The following PFKFB1 variants were observed in gnomAD, a reference collection of about 807,000 sequenced individuals.
The protein encoded by PFKFB1 is 6-phosphofructo-2-kinase/fructose-2,6-bisphosphatase 1.
In PFKFB1, 34 loss-of-function variants were observed where a neutral mutation model predicts 46.4. The observed-to-expected ratio is 0.73, with a 90% CI of 0.56 to 0.98. PFKFB1 has a LOEUF of 0.98. Among genes scored for constraint, PFKFB1 ranks in the 50% least tolerant of loss-of-function variants. The probability of loss-of-function intolerance (pLI) is 0.00; values close to 1 mark genes in which losing one functional copy is unlikely to be tolerated. For synonymous variants in PFKFB1, 119 were observed against 133.8 expected (o/e 0.89, Z 0.76); for missense variants, 393 against 376.3 (o/e 1.04, Z -0.37).
chrX:54,973,590 G>A (rs753136354), intron 1 of PFKFB1, among the ~76,000 whole-genome samples: 175 of 111,189 alleles, frequency 1.6e-3, no homozygotes, highest in Non-Finnish European at 2.2e-3. Flanking sequence ...CCTTCATTTC[G>A]TTATGTACCC....
At chrX:54,949,737 C>T (rs140258657) in intron 8 of PFKFB1, among the ~76,000 whole-genome samples, 1,323 of 112,427 alleles carry the variant, frequency 0.012, 19 homozygotes, top group African/African-American at 0.042. Context: ...ATGGCCTGAC[C>T]TCAAGTGGAC....
chrX:54,935,161 C>A lies in PFKFB1; in HGVS notation c.1229-152G>T. On this transcript the variant is annotated intron_variant, in intron 11 of 13. Coordinates refer to ENST00000375006, the MANE Select transcript of PFKFB1 (RefSeq NM_002625.4). ...GCCCACTCCCCACACCCTGCAGGGG[C>A]AGCACTGAGAGCACCTGGGAAGAGA... 7 of 489,676 alleles carry A rather than the reference C, an allele frequency of 1.4e-5. No individual in the cohort carries two copies. The Admixed American group carries it at 2.1e-4, about 15-fold the overall frequency. 40.4% of individuals were successfully genotyped at this position (489,676 alleles called of 1,213,427 possible).
rs1934376074 is a variant in PFKFB1, at chrX:54,963,313, G to A, written c.167C>T (p.Thr56Ile). 8.3e-7 allele frequency: 1 copy of A among 1,206,813 alleles called. No individual in the cohort carries two copies. The highest frequency in any genetic ancestry group is 1.1e-6 in the Non-Finnish European group (1 of 891,216). ...IMVGLPARGKTYISTKLTRYL... is the reference protein window; with the variant it reads ...IMVGLPARGKIYISTKLTRYL... ...TCGTGTGAGCTTTGTGGAGATATAG[G>A]TCTTGCCTCGAGCTGGTAAACCCAC... The change falls in exon 2 of 14, where the codon ACC (threonine) becomes ATC (isoleucine). Residue 56 changes from threonine to isoleucine, a missense_variant. Thr to Ile is a moderately conservative substitution (Grantham distance 89). Coordinates refer to ENST00000375006, the MANE Select transcript of PFKFB1 (RefSeq NM_002625.4).
chrX:54,952,450 T>C (rs1032989989), intron 7 of PFKFB1, among the ~76,000 whole-genome samples: 5 of 111,415 alleles, frequency 4.5e-5, no homozygotes, highest in Admixed American at 9.5e-5. Flanking sequence ...AGAGAAGCAG[T>C]ATCCTTTGCA....
rs188807400 is a variant in PFKFB1, at chrX:54,968,766, C to T, written c.98-5384G>A. ...TTCCCCCAAAATACCCAGGTCCAGA[C>T]GGTTTCACTGGCAAATTTTACCATT... is the stretch of plus-strand genomic sequence containing the variant. On this transcript the variant is annotated intron_variant, in intron 1 of 13. Transcript: ENST00000375006. Among the ~76,000 whole-genome samples the T allele has an allele frequency of 5.0e-4, 55 of 111,084 alleles. No individual in the cohort carries two copies. The East Asian group carries it at 7.7e-3, about 16-fold the overall frequency.
chrX:54,991,770 T>G (rs922221660), intron 1 of PFKFB1, among the ~76,000 whole-genome samples: 18 of 111,251 alleles, frequency 1.6e-4, no homozygotes, highest in Non-Finnish European at 2.3e-4. Flanking sequence ...AATAGTAAGA[T>G]GGATAAACTG....
At chrX:54,984,260 C>T (rs746451988) in intron 1 of PFKFB1, among the ~76,000 whole-genome samples, 1 of 111,364 alleles carries the variant, frequency 9.0e-6, no homozygotes, top group Non-Finnish European at 1.9e-5. Flanking sequence ...TTAAAAAATC[C>T]CTATTTGCAA....
intron 1 of PFKFB1, among the ~76,000 whole-genome samples, chrX:54,984,900 T>C (rs1348471188): frequency 1.8e-5 from 2 of 110,785 alleles, no homozygotes; most frequent in Non-Finnish European, 3.8e-5. Context: ...ACTGAGGTCC[T>C]GATTACCCTC....
chrX:54,995,262 T>C (rs1182621589), upstream of PFKFB1, among the ~76,000 whole-genome samples: 2 of 112,087 alleles, frequency 1.8e-5, no homozygotes, highest in African/African-American at 6.5e-5. Context: ...CCTCCAACGA[T>C]TGGCTATGAA....
chrX:54,937,441 C>T (rs1447347695), intron 11 of PFKFB1, among the ~76,000 whole-genome samples, 154 bp downstream of exon 11: 1 of 112,122 alleles, frequency 8.9e-6, no homozygotes, highest in Non-Finnish European at 1.9e-5. Context: ...TTGTGAAAGG[C>T]AGTACAGCTA....
At chrX:54,996,911 C>G (rs1935365270), upstream of PFKFB1, among the ~76,000 whole-genome samples, 1 of 111,253 alleles carries the variant, frequency 9.0e-6, no homozygotes, top group South Asian at 3.9e-4. Context: ...TTGGGACAGG[C>G]CTTGTATTTG....
At chrX:54,976,122 C>T (rs924221246) in intron 1 of PFKFB1, among the ~76,000 whole-genome samples, 9 of 109,930 alleles carry the variant, frequency 8.2e-5, no homozygotes, top group Non-Finnish European at 1.3e-4. Context: ...TTTTTATTTA[C>T]GAAAAATTTT....
intron 1 of PFKFB1, among the ~76,000 whole-genome samples, chrX:54,968,968 TA>T (rs1229685489): frequency 1.8e-5 from 2 of 111,345 alleles, no homozygotes; most frequent in Non-Finnish European, 3.8e-5. Context: ...ATAAGAATCC[TA>T]AAAAAATGCA....
intron 1 of PFKFB1, among the ~76,000 whole-genome samples, chrX:54,969,367 C>G (rs1330481956): frequency 8.9e-6 from 1 of 111,805 alleles, no homozygotes; most frequent in Non-Finnish European, 1.9e-5. Context: ...TAAGCACACT[C>G]TCTCTTGCCC....
intron 1 of PFKFB1, among the ~76,000 whole-genome samples, chrX:54,966,594 T>C (rs1934481255): frequency 8.9e-6 from 1 of 111,777 alleles, no homozygotes; most frequent in African/African-American, 3.3e-5. Context: ...TCAGAAGCAA[T>C]AGTGGCCCAG....
intron 9 of PFKFB1, among the ~76,000 whole-genome samples, 168 bp from the exon 10 acceptor site, chrX:54,945,711 TGTGTGTGTGC>T (rs1264684049): frequency 2.8e-5 from 3 of 105,707 alleles, no homozygotes; most frequent in East Asian, 6.0e-4. Flanking sequence ...CGTGTGTGTG[TGTGTGTGTGC>T]GTGTGTGTGT....
intron 12 of PFKFB1, among the ~76,000 whole-genome samples, chrX:54,934,639 A>G (rs949581601): frequency 2.7e-5 from 3 of 112,185 alleles, no homozygotes; most frequent in Non-Finnish European, 5.6e-5. Flanking sequence ...TCTTTCTCCA[A>G]TACGGCCCTA....
intron 1 of PFKFB1, among the ~76,000 whole-genome samples, chrX:54,980,345 G>A (rs904672339): frequency 4.1e-5 from 4 of 98,016 alleles, no homozygotes; most frequent in Admixed American, 2.2e-4. Context: ...ACACACAAAC[G>A]TGTGTGTTTA....
intron 1 of PFKFB1, among the ~76,000 whole-genome samples, chrX:54,968,976 T>C (rs1356708415): frequency 9.0e-6 from 1 of 111,510 alleles, no homozygotes; most frequent in Non-Finnish European, 1.9e-5. Flanking sequence ...CCTAAAAAAA[T>C]GCAAATGAAA....
Sources: allele counts gnomAD v4.1 joint callset (sites outside exome capture counted in the v4.1 genomes callset), GRCh38; gene constraint gnomAD v4.1.1; transcripts MANE v1.5; gene names NCBI Gene and HGNC (gene_info 2026-07-23, HGNC 2026-07-21).